HACD4: variants seen among roughly 807,000 people sequenced by gnomAD.
HACD4 encodes very-long-chain (3R)-3-hydroxyacyl-CoA dehydratase 4.
In HACD4, 35 loss-of-function variants were observed where a neutral mutation model predicts 33.3. The ratio of observed to expected loss-of-function variants is 1.05; its 90% CI spans 0.80 to 1.39. HACD4 has a LOEUF of 1.39. HACD4 is among the 40% of genes most tolerant of loss of function. The pLI is 0.00. For missense variants in HACD4, 323 were observed against 276.5 expected, an observed-to-expected ratio of 1.17 and a Z score of -1.19; for synonymous variants, 118 against 98.0, an observed-to-expected ratio of 1.20 and a Z score of -1.21.
intron 4 of HACD4, among the ~76,000 whole-genome samples, chr9:21,013,764 G>A (rs1842492908): frequency 6.6e-6 from 1 of 152,084 alleles, no homozygotes; most frequent in Admixed American, 6.6e-5. Flanking sequence ...ACTGTAAACA[G>A]AATTGTATTC....
chr9:21,025,132 C>T (rs1818029510), intron 3 of HACD4, among the ~76,000 whole-genome samples: 5 of 152,096 alleles, frequency 3.3e-5, no homozygotes, highest in Admixed American at 3.3e-4. Context: ...AGTTAAGTGA[C>T]TACTATGTTA....
At chr9:21,022,235 T>C (rs961592167) in intron 3 of HACD4, among the ~76,000 whole-genome samples, 4 of 152,170 alleles carry the variant, frequency 2.6e-5, no homozygotes, top group Non-Finnish European at 5.9e-5. Context: ...TCACGATGTA[T>C]TAAAGACTGA....
intron 5 of HACD4, among the ~76,000 whole-genome samples, chr9:21,008,413 T>C (rs1842325298): frequency 6.6e-6 from 1 of 152,178 alleles, no homozygotes; most frequent in Non-Finnish European, 1.5e-5. Flanking sequence ...TTTCTTAAAA[T>C]GTTATCTCAA....
Position 21,031,536 on chromosome 9 carries a change from T to G in HACD4, c.38+17A>C. 6.8e-7 allele frequency: 1 copy of G among 1,463,890 alleles called. No individual in the cohort carries two copies. The highest frequency in any genetic ancestry group is 3.0e-5 in the East Asian group (1 of 33,482). The allele number at this position is 1,463,890 out of a possible 1,614,324, so 90.7% of individuals were successfully genotyped here. On this transcript the variant is annotated intron_variant, in intron 1 of 6. Coordinates refer to ENST00000495827, the MANE Select transcript of HACD4 (RefSeq NM_001010915.5). ...CACCCGCGCCCCCTCCCCTCGGGAT[T>G]CGGCCGAGCGCCCTACCTGGGCTGC... is the stretch of plus-strand genomic sequence containing the variant.
rs1209237022 is a variant in HACD4 at position 21,004,760 on chromosome 9, T to C, written c.*2277A>G. 6.6e-6 allele frequency: 1 copy of C among 152,240 alleles called. No individual in the cohort carries two copies. Among genetic ancestry groups the C allele is most frequent in the Non-Finnish European group, 1.5e-5 (1 of 68,060 alleles). 9.4% of individuals were successfully genotyped at this position (152,240 alleles called of 1,614,324 possible). Reference sequence around the variant, plus strand: ...CAATTAGTACCAAGAAGTGTGGTGATGCTATAACCAATATATAAAGATGTG... The same window carrying C: ...CAATTAGTACCAAGAAGTGTGGTGACGCTATAACCAATATATAAAGATGTG... On this transcript the variant is annotated 3_prime_UTR_variant, in exon 7 of 7. Transcript: ENST00000495827. The surrounding 1 kb of genome is among the most constrained non-coding windows in gnomAD (Gnocchi z 4.6).
chr9:21,004,910 A>G lies in HACD4; in HGVS notation c.*2127T>C. On this transcript the variant is annotated 3_prime_UTR_variant, in exon 7 of 7. Coordinates refer to ENST00000495827, the MANE Select transcript of HACD4 (RefSeq NM_001010915.5). This position sits in a 1 kb window ranked among gnomAD's most constrained non-coding sequence, Gnocchi z 4.6. ...TTTGCTAGAAAAAGCCAGTATTGCCATGAAGGGATTGATAGAGGTGATTTT... is the reference window on the plus strand; with the variant it reads ...TTTGCTAGAAAAAGCCAGTATTGCCGTGAAGGGATTGATAGAGGTGATTTT... 6.6e-6 allele frequency: 1 copy of G among 152,296 alleles called. No individual in the cohort carries two copies. Among genetic ancestry groups the G allele is most frequent in the East Asian group, 1.9e-4 (1 of 5,188 alleles). 9.4% of individuals were successfully genotyped at this position (152,296 alleles called of 1,614,324 possible). A position where few individuals can be genotyped will look rare whatever the true frequency, so the allele number is the denominator to read the frequency against.
intron 3 of HACD4, among the ~76,000 whole-genome samples, chr9:21,024,106 C>G (rs1344047004): frequency 2.6e-5 from 4 of 152,200 alleles, no homozygotes; most frequent in African/African-American, 9.7e-5. Flanking sequence ...CTGCATAATT[C>G]TAATATAGGA....
intron 4 of HACD4, chr9:21,015,150 A>T (rs1476723963): frequency 2.0e-5 from 3 of 152,256 alleles, no homozygotes; most frequent in African/African-American, 7.2e-5. Context: ...TTATTTAAAC[A>T]TATTTTAATT....
At position 21,031,582 on chromosome 9, in the gene HACD4, G is replaced by A; in HGVS notation, c.9C>T (p.Pro3=). ...GCTGCAGCCAGGCGGGCAGCGCCAA[G>A]GGCCCCATGGGCCGCCGCCGCCAGG... The part of the protein sequence containing the change: MG[P]LALPAWLQPR... The change falls in exon 1 of 7, where the codon CCC becomes CCT. Residue 3 remains proline, a synonymous_variant. Coordinates refer to ENST00000495827, the MANE Select transcript of HACD4 (RefSeq NM_001010915.5). 1 of 1,438,608 alleles carries A rather than the reference G, an allele frequency of 7.0e-7. No individual in the cohort carries two copies. The highest frequency in any genetic ancestry group is 9.1e-7 in the Non-Finnish European group (1 of 1,101,692). 89.1% of individuals were successfully genotyped at this position (1,438,608 alleles called of 1,614,324 possible). A position where few individuals can be genotyped will look rare whatever the true frequency, so the allele number is the denominator to read the frequency against.
chr9:20,999,810 A>C lies in HACD4; in HGVS notation c.*7227T>G, dbSNP rs1469044289. 1 of 152,172 alleles carries C rather than the reference A, an allele frequency of 6.6e-6. No individual in the cohort carries two copies. Among genetic ancestry groups the C allele is most frequent in the Non-Finnish European group, 1.5e-5 (1 of 68,022 alleles). The allele number at this position is 152,172 out of a possible 1,614,324, so 9.4% of individuals were successfully genotyped here. On this transcript the variant is annotated 3_prime_UTR_variant, in exon 7 of 7. Transcript: ENST00000495827. ...AGTTTCTGGGGTACAATCTGAACAAAACGTGTCATCCCTGCTCTCATGGAA... is the reference window on the plus strand; with the variant it reads ...AGTTTCTGGGGTACAATCTGAACAACACGTGTCATCCCTGCTCTCATGGAA...
rs1315410850 is a variant in HACD4, at chr9:21,003,542, A to T, written c.*3495T>A. On this transcript the variant is annotated 3_prime_UTR_variant, in exon 7 of 7. Coordinates refer to ENST00000495827, the MANE Select transcript of HACD4 (RefSeq NM_001010915.5). ...AAGGATAATTTTTTAAAATCCAAAT[A>T]TATTTATAAAGATTTCAAGTAGCCT... is the stretch of plus-strand genomic sequence containing the variant. The T allele has an allele frequency of 6.6e-6, 1 of 152,166 alleles. No individual in the cohort carries two copies. Among genetic ancestry groups the T allele is most frequent in the Non-Finnish European group, 1.5e-5 (1 of 68,010 alleles). The allele number at this position is 152,166 out of a possible 1,614,324, so 9.4% of individuals were successfully genotyped here.
intron 2 of HACD4, among the ~76,000 whole-genome samples, chr9:21,027,138 G>GA (rs1818083268): frequency 6.6e-6 from 1 of 152,110 alleles, no homozygotes; most frequent in Non-Finnish European, 1.5e-5. Flanking sequence ...ACAAAGATGA[G>GA]AAAAAATATT....
intron 1 of HACD4, among the ~76,000 whole-genome samples, chr9:21,030,269 C>CAAAAAAA (rs57245979): frequency 9.0e-6 from 1 of 110,920 alleles, no homozygotes; most frequent in South Asian, 3.0e-4. Context: ...TGGCAACTTA[C>CAAAAAAA]AAAAAAAAAA....
intron 4 of HACD4, chr9:21,015,233 T>C (rs1025177930): frequency 2.6e-5 from 4 of 152,154 alleles, no homozygotes; most frequent in African/African-American, 9.7e-5. Flanking sequence ...GGCTCTTTTG[T>C]TACCTATTCA....
intron 4 of HACD4, among the ~76,000 whole-genome samples, chr9:21,012,891 A>G (rs1036100352): frequency 3.9e-5 from 6 of 151,992 alleles, no homozygotes; most frequent in Admixed American, 3.3e-4. Context: ...ACGTGGCGAA[A>G]CCCCATCTAC....
Position 21,005,633 on chromosome 9 carries a change from G to A in HACD4, c.*1404C>T, listed in dbSNP as rs898460237. ...AGAGAACATCAGTGGTACCTTCTCA[G>A]TTTCAAAAGGGGCAGTCATTGCCTT... On this transcript the variant is annotated 3_prime_UTR_variant, in exon 7 of 7. Transcript: ENST00000495827. This position sits in a 1 kb window ranked among gnomAD's most constrained non-coding sequence, Gnocchi z 4.0. 6.6e-6 allele frequency: 1 copy of A among 152,244 alleles called. No individual in the cohort carries two copies. Among genetic ancestry groups the A allele is most frequent in the African/African-American group, 2.4e-5 (1 of 41,452 alleles). The allele number at this position is 152,244 out of a possible 1,614,324, so 9.4% of individuals were successfully genotyped here. A position where few individuals can be genotyped will look rare whatever the true frequency, so the allele number is the denominator to read the frequency against.
At chr9:21,031,530 C>CG in intron 1 of HACD4, 23 bp downstream of exon 1, 1 of 1,460,426 alleles carries the variant, frequency 6.8e-7, no homozygotes, top group South Asian at 1.3e-5. Flanking sequence ...CCCCTCCCCT[C>CG]GGGATTCGGC....
rs1165570885 is a variant in HACD4 at position 21,002,678 on chromosome 9, C to G, written c.*4359G>C. 3 of 152,034 alleles carry G rather than the reference C, an allele frequency of 2.0e-5. No homozygotes were observed. The highest frequency in any genetic ancestry group is 2.9e-5 in the Non-Finnish European group (2 of 67,980). 9.4% of individuals were successfully genotyped at this position (152,034 alleles called of 1,614,324 possible). Reference sequence around the variant, plus strand: ...ATATAAATTACTTACTACTACTGAACTGCACACTTAAAAAGGAATAAGATA... The same window carrying G: ...ATATAAATTACTTACTACTACTGAAGTGCACACTTAAAAAGGAATAAGATA... On this transcript the variant is annotated 3_prime_UTR_variant, in exon 7 of 7. Transcript: ENST00000495827.
intron 3 of HACD4, among the ~76,000 whole-genome samples, chr9:21,019,960 G>GATC (rs1817862986): frequency 6.6e-6 from 1 of 151,990 alleles, no homozygotes; most frequent in Non-Finnish European, 1.5e-5. Flanking sequence ...AGGCAAAAAG[G>GATC]AATTCCTTTG....
Sources: gnomAD v4.1 joint callset for allele counts (sites outside exome capture counted in the v4.1 genomes callset) on GRCh38, gnomAD v4.1.1 for gene constraint, Gnocchi (gnomAD v3.1) non-coding constraint, MANE v1.5 for transcripts, NCBI Gene and HGNC (gene_info 2026-07-23, HGNC 2026-07-21) for gene names.